The following SDHAF4 variants were observed in gnomAD, a reference collection of about 807,000 sequenced individuals.
SDHAF4 encodes the protein succinate dehydrogenase complex assembly factor 4, also known as succinate dehydrogenase assembly factor 4, mitochondrial.
In SDHAF4, 14 loss-of-function variants were observed where a neutral mutation model predicts 14.3. The ratio of observed to expected loss-of-function variants is 0.98; its 90% confidence interval spans 0.65 to 1.53. The LOEUF (loss-of-function observed/expected upper bound fraction) is 1.53, where lower values mean the gene tolerates loss of function less well. Among genes scored for constraint, SDHAF4 ranks in the 40% most tolerant of loss-of-function variants. The probability of loss-of-function intolerance (pLI) is 0.00; values close to 1 mark genes in which losing one functional copy is unlikely to be tolerated. For synonymous variants in SDHAF4, 63 were observed against 47.3 expected, an observed-to-expected ratio of 1.33 and a Z score of -1.36; for missense variants, 141 against 129.3, an observed-to-expected ratio of 1.09 and a Z score of -0.44.
At chr6:70,576,246 C>T (rs1261978077) in intron 1 of SDHAF4, among the ~76,000 whole-genome samples, 1 of 152,212 alleles carries the variant, frequency 6.6e-6, no homozygotes, top group Admixed American at 6.5e-5. Flanking sequence ...TTATCTTCCC[C>T]CGTGTTCTGT....
intron 1 of SDHAF4, among the ~76,000 whole-genome samples, chr6:70,569,079 C>T (rs980482352): frequency 5.4e-5 from 8 of 148,372 alleles, no homozygotes; most frequent in Admixed American, 3.4e-4. Flanking sequence ...CATTCTCCTG[C>T]CTCAGCCTCC....
intron 1 of SDHAF4, among the ~76,000 whole-genome samples, chr6:70,576,720 A>G (rs1356451615): frequency 6.6e-6 from 1 of 152,244 alleles, no homozygotes; most frequent in Non-Finnish European, 1.5e-5. Context: ...AATTCCATCA[A>G]ACTAAAAATA....
intron 2 of SDHAF4, among the ~76,000 whole-genome samples, chr6:70,580,280 T>C (rs2128535172): frequency 6.6e-6 from 1 of 152,306 alleles, no homozygotes; most frequent in Non-Finnish European, 1.5e-5. Context: ...TATGAGATAC[T>C]ACTTCATACC....
intron 1 of SDHAF4, among the ~76,000 whole-genome samples, chr6:70,574,385 G>A (rs1435820300): frequency 1.3e-5 from 2 of 152,112 alleles, no homozygotes; most frequent in African/African-American, 4.8e-5. Context: ...GTGTAGTTAG[G>A]CCTAAACACG....
chr6:70,585,761 T>C (rs58066376), intron 2 of SDHAF4, among the ~76,000 whole-genome samples: 4,798 of 152,276 alleles, frequency 0.032, 194 homozygotes, highest in African/African-American at 0.091. Flanking sequence ...TTATTCACAA[T>C]ATAACAAGAA....
chr6:70,572,285 C>T (rs1364876311), intron 1 of SDHAF4, among the ~76,000 whole-genome samples: 1 of 151,816 alleles, frequency 6.6e-6, no homozygotes. Context: ...GGCTGGAACA[C>T]TTTCAGTCTT....
downstream of SDHAF4, among the ~76,000 whole-genome samples, chr6:70,592,694 C>T (rs1388332208): frequency 6.6e-6 from 1 of 152,218 alleles, no homozygotes; most frequent in Non-Finnish European, 1.5e-5. Context: ...TAACCACTTA[C>T]ATTGAACTGC....
chr6:70,595,134 A>G, the SDHAF4 span, among the ~76,000 whole-genome samples: 1 of 152,136 alleles, frequency 6.6e-6, no homozygotes, highest in African/African-American at 2.4e-5. Context: ...GATCTGGAAT[A>G]ATGGAAGGAC....
chr6:70,569,580 T>G (rs947421570), intron 1 of SDHAF4, among the ~76,000 whole-genome samples: 15 of 152,250 alleles, frequency 9.9e-5, no homozygotes, highest in Non-Finnish European at 1.9e-4. Context: ...TTATATTCTT[T>G]ACATATATTT....
intron 2 of SDHAF4, among the ~76,000 whole-genome samples, chr6:70,586,904 C>T (rs924037552): frequency 2.0e-5 from 3 of 152,220 alleles, no homozygotes; most frequent in African/African-American, 4.8e-5. Flanking sequence ...CACAGTGGCT[C>T]ACGCCTGTAA....
chr6:70,577,300 C>A (rs1802268615), intron 1 of SDHAF4, among the ~76,000 whole-genome samples: 1 of 152,150 alleles, frequency 6.6e-6, no homozygotes, highest in African/African-American at 2.4e-5. Context: ...TTCTGATTAT[C>A]TTTGAGGCCA....
downstream of SDHAF4, among the ~76,000 whole-genome samples, chr6:70,591,369 G>C (rs1367567082): frequency 1.3e-5 from 1 of 74,102 alleles, no homozygotes; most frequent in Admixed American, 1.8e-4. Flanking sequence ...TTTTTGCTCT[G>C]TCCCCAGGCT....
intron 1 of SDHAF4, among the ~76,000 whole-genome samples, chr6:70,570,634 T>C (rs1015335558): frequency 2.0e-5 from 3 of 152,024 alleles, no homozygotes; most frequent in African/African-American, 7.3e-5. Context: ...ATCTTTTTTC[T>C]TTCTTTGCTC....
intron 2 of SDHAF4, among the ~76,000 whole-genome samples, chr6:70,582,877 T>C (rs1257179903): frequency 6.6e-6 from 1 of 152,216 alleles, no homozygotes; most frequent in East Asian, 1.9e-4. Flanking sequence ...TACTTTATTC[T>C]AAGAAAACTG....
chr6:70,570,813 G>A (rs1210326448), intron 1 of SDHAF4, among the ~76,000 whole-genome samples: 1 of 151,852 alleles, frequency 6.6e-6, no homozygotes, highest in Non-Finnish European at 1.5e-5. Flanking sequence ...AACTTCTAAG[G>A]CATGTTTTAT....
At chr6:70,568,412 T>A (rs1802132503) in intron 1 of SDHAF4, among the ~76,000 whole-genome samples, 1 of 152,110 alleles carries the variant, frequency 6.6e-6, no homozygotes, top group Admixed American at 6.5e-5. Flanking sequence ...GCCAAGGAGG[T>A]CTCTATTTGC....
the SDHAF4 span, among the ~76,000 whole-genome samples, chr6:70,595,064 A>G: frequency 6.6e-6 from 1 of 152,182 alleles, no homozygotes; most frequent in Admixed American, 6.5e-5. Context: ...TGATGACTCA[A>G]AACCTCGTAC....
At chr6:70,583,692 A>G (rs1765166689) in intron 2 of SDHAF4, among the ~76,000 whole-genome samples, 1 of 152,172 alleles carries the variant, frequency 6.6e-6, no homozygotes, top group African/African-American at 2.4e-5. Context: ...AAACAAAAAC[A>G]AAACAAAACA....
intron 1 of SDHAF4, among the ~76,000 whole-genome samples, chr6:70,573,672 T>C (rs1457428569): frequency 1.3e-5 from 2 of 151,474 alleles, no homozygotes; most frequent in Non-Finnish European, 2.9e-5. Flanking sequence ...TCTTTTCTTT[T>C]TTTTATTTTT....
Sources: allele counts gnomAD v4.1 joint callset (sites outside exome capture counted in the v4.1 genomes callset), GRCh38; gene constraint gnomAD v4.1.1; transcripts MANE v1.5; gene names NCBI Gene and HGNC (gene_info 2026-07-23, HGNC 2026-07-21).